PTGDS: variants seen among roughly 807,000 people sequenced by gnomAD.
PTGDS encodes prostaglandin-H2 D-isomerase.
In PTGDS, 21 loss-of-function variants were observed where a neutral mutation model predicts 28.4. That is an observed-to-expected ratio of 0.74 (90% confidence interval 0.52 to 1.07). PTGDS has a LOEUF of 1.07. Ranked by LOEUF, PTGDS falls within the 50% of genes least tolerant of loss-of-function variation. PTGDS has a pLI of 0.00. For missense variants in PTGDS, 243 were observed against 247.7 expected, an observed-to-expected ratio of 0.98 and a Z score of 0.13; for synonymous variants, 102 against 106.0, an observed-to-expected ratio of 0.96 and a Z score of 0.23.
At position 136,980,255 on chromosome 9, in the gene PTGDS, A is replaced by T; in HGVS notation, c.521A>T (p.Glu174Val). ...TTCTGCAAGGCCCAGGGCTTCACAG[A>T]GGATACCATTGTCTTCCTGCCCCAA... The part of the protein sequence containing the change: ...TAFCKAQGFT[E>V]DTIVFLPQTD... Residue 174 changes from glutamate (E) to valine (V), a missense_variant, in exon 5 of 7, where the codon GAG (glutamate) becomes GTG (valine). Glu to Val is a moderately radical substitution (Grantham distance 121, BLOSUM62 -2). Coordinates refer to ENST00000371625, the MANE Select transcript of PTGDS (RefSeq NM_000954.6). The T allele has an allele frequency of 7.4e-6, 12 of 1,614,070 alleles. No individual in the cohort carries two copies. The highest frequency in any genetic ancestry group is 1.0e-5 in the Non-Finnish European group (12 of 1,179,980).
intron 1 of PTGDS, among the ~76,000 whole-genome samples, chr9:136,977,970 C>T (rs1201650405): frequency 3.9e-5 from 6 of 152,212 alleles, no homozygotes; most frequent in Non-Finnish European, 8.8e-5. Context: ...CACGTCCACC[C>T]CTGTGGGCAC....
intron 1 of PTGDS, chr9:136,978,677 G>A (rs1830409169): frequency 6.0e-6 from 2 of 332,844 alleles, no homozygotes; most frequent in Non-Finnish European, 1.1e-5. Context: ...TCTTGGGGCG[G>A]GGTCGTGAGG....
At chr9:136,978,101 C>G (rs1406539969) in intron 1 of PTGDS, among the ~76,000 whole-genome samples, 1 of 152,156 alleles carries the variant, frequency 6.6e-6, no homozygotes, top group East Asian at 1.9e-4. Flanking sequence ...GGACGCGCAC[C>G]GCACAGACAG....
rs1348179556 is a variant in PTGDS, at chr9:136,978,988, C to T, written c.115-5C>T. 1 of 1,605,850 alleles carries T rather than the reference C, an allele frequency of 6.2e-7. No individual in the cohort carries two copies. The highest frequency in any genetic ancestry group is 8.5e-7 in the Non-Finnish European group (1 of 1,178,326). ...GCCGACGCGGGTGGGGGTCGCTCGC[C>T]GCAGTTCCTGGGGCGCTGGTTCAGC... is the stretch of plus-strand genomic sequence containing the variant. On this transcript the variant is annotated splice_region_variant and splice_polypyrimidine_tract_variant and intron_variant, in intron 1 of 6. Coordinates refer to ENST00000371625, the MANE Select transcript of PTGDS (RefSeq NM_000954.6).
Position 136,977,526 on chromosome 9 carries a change from G to C in PTGDS, c.-53G>C. On this transcript the variant is annotated 5_prime_UTR_variant, in exon 1 of 7. Coordinates refer to ENST00000371625, the MANE Select transcript of PTGDS (RefSeq NM_000954.6). ...TCCGCTCCTCCTGCACACCTCCCTC[G>C]CTCTCCCACACCACTGGCACCAGGC... The C allele has an allele frequency of 7.3e-7, 1 of 1,364,206 alleles. No individual in the cohort carries two copies. The highest frequency in any genetic ancestry group is 1.0e-6 in the Non-Finnish European group (1 of 990,560). The allele number at this position is 1,364,206 out of a possible 1,614,324, so 84.5% of individuals were successfully genotyped here.
At chr9:136,978,280 G>A (rs1043954161) in intron 1 of PTGDS, among the ~76,000 whole-genome samples, 3 of 152,170 alleles carry the variant, frequency 2.0e-5, no homozygotes, top group Non-Finnish European at 4.4e-5. Flanking sequence ...GCCGCCCGCT[G>A]TATGGGCCAG....
chr9:136,979,242 C>G lies in PTGDS; in HGVS notation c.274C>G (p.Arg92Gly), dbSNP rs748389805. The G allele has an allele frequency of 1.2e-6, 2 of 1,612,948 alleles. No individual in the cohort carries two copies. Among genetic ancestry groups the G allele is most frequent in the Non-Finnish European group, 1.7e-6 (2 of 1,179,826 alleles). ...CTACAGGAAAAACCAGTGTGAGACCCGAACCATGCTGCTGCAGCCCGCGGG... is the reference window on the plus strand; with the variant it reads ...CTACAGGAAAAACCAGTGTGAGACCGGAACCATGCTGCTGCAGCCCGCGGG... The part of the protein sequence containing the change: ...TFLRKNQCET[R>G]TMLLQPAGSL... Residue 92 changes from arginine (R) to glycine (G), a missense_variant, in exon 3 of 7, where the codon CGA becomes GGA. By Grantham distance (125) the Arg-to-Gly change is moderately radical (BLOSUM62 -2). Transcript: ENST00000371625.
intron 3 of PTGDS, chr9:136,979,690 T>A (rs1830424868): frequency 1.7e-6 from 1 of 605,698 alleles, no homozygotes; most frequent in Non-Finnish European, 2.9e-6. Context: ...CTTCCGGTTC[T>A]GGCAGCGACT....
In PTGDS at chr9:136,979,030, A is replaced by G. The variant is rs754669790; in HGVS notation, c.152A>G (p.Asn51Ser). The G allele has an allele frequency of 1.2e-6, 2 of 1,608,724 alleles. No homozygotes were observed. Among genetic ancestry groups the G allele is most frequent in the Admixed American group, 1.7e-5 (1 of 59,632 alleles). The change falls in exon 2 of 7, where the codon AAC (asparagine) becomes AGC (serine). Residue 51 changes from asparagine (N) to serine (S), a missense_variant. By Grantham distance (46) the Asn-to-Ser change is conservative. Coordinates refer to ENST00000371625, the MANE Select transcript of PTGDS (RefSeq NM_000954.6). Reference protein sequence around the residue: ...GRWFSAGLASNSSWLREKKAA... With the variant: ...GRWFSAGLASSSSWLREKKAA... The stretch of plus-strand genomic sequence containing the variant: ...TGGTTCAGCGCGGGCCTCGCCTCCA[A>G]CTCGAGCTGGCTCCGGGAGAAGAAG...
rs34418873 is a variant in PTGDS at position 136,980,863 on chromosome 9, A to T, written c.*8A>T. 159 of 1,325,140 alleles carry T rather than the reference A, an allele frequency of 1.2e-4. No individual in the cohort carries two copies. In the African/African-American group the frequency reaches 2.7e-3, roughly 23 times the overall value. 82.1% of individuals were successfully genotyped at this position (1,325,140 alleles called of 1,614,324 possible). The stretch of plus-strand genomic sequence containing the variant: ...TGCATGACGGAACAATAGGTGAGCC[A>T]CTCCATTCATTCATTCATTCATTCA... On this transcript the variant is annotated splice_region_variant and intron_variant, in intron 6 of 6. Transcript: ENST00000371625.
intron 5 of PTGDS, 60 bp downstream of exon 5, chr9:136,980,344 T>C: frequency 2.6e-6 from 4 of 1,553,884 alleles, no homozygotes; most frequent in Non-Finnish European, 3.5e-6. Context: ...AGGCAGGCAG[T>C]CTCCTGACTG....
At chr9:136,978,465 G>A (rs1416880694) in intron 1 of PTGDS, among the ~76,000 whole-genome samples, 1 of 136,066 alleles carries the variant, frequency 7.3e-6, no homozygotes, top group African/African-American at 2.8e-5. Flanking sequence ...GGCCATCTCC[G>A]GGGGAGGGGG....
At chr9:136,980,421 G>C in intron 5 of PTGDS, 137 bp downstream of exon 5, 1 of 1,031,392 alleles carries the variant, frequency 9.7e-7, no homozygotes. Flanking sequence ...GAGGGGGTGA[G>C]TGTTCAAGTC....
At chr9:136,980,764 G>T in intron 5 of PTGDS, 69 bp from the exon 6 acceptor site, 1 of 1,613,952 alleles carries the variant, frequency 6.2e-7, no homozygotes, top group Non-Finnish European at 8.5e-7. Context: ...GGGAGGAACA[G>T]GAAGCCCAGT....
intron 1 of PTGDS, 127 bp from the exon 2 acceptor site, chr9:136,978,866 G>C: frequency 7.2e-7 from 1 of 1,391,458 alleles, no homozygotes; most frequent in East Asian, 2.5e-5. Flanking sequence ...TGGCTGCTCG[G>C]GGGATTGGGC....
chr9:136,979,000 G>A lies in PTGDS; in HGVS notation c.122G>A (p.Gly41Glu). The change falls in exon 2 of 7, where the codon GGG becomes GAG. Residue 41 changes from glycine (G) to glutamate (E), a missense_variant. Physicochemically the swap from Gly to Glu is moderately conservative, Grantham distance 98. Coordinates refer to ENST00000371625, the MANE Select transcript of PTGDS (RefSeq NM_000954.6). ...QPNFQQDKFL[G>E]RWFSAGLASN... ...GGGGGTCGCTCGCCGCAGTTCCTGG[G>A]GCGCTGGTTCAGCGCGGGCCTCGCC... is the stretch of plus-strand genomic sequence containing the variant. 1 of 1,608,092 alleles carries A rather than the reference G, an allele frequency of 6.2e-7. No individual in the cohort carries two copies. The highest frequency in any genetic ancestry group is 8.5e-7 in the Non-Finnish European group (1 of 1,178,464).
chr9:136,980,199 C>CA lies in PTGDS; in HGVS notation c.466dup (p.Arg156LysfsTer3). 1 of 1,613,952 alleles carries CA rather than the reference C, an allele frequency of 6.2e-7. No individual in the cohort carries two copies. Among genetic ancestry groups the CA allele is most frequent in the Non-Finnish European group, 8.5e-7 (1 of 1,179,978 alleles). On this transcript the variant is annotated frameshift_variant, in exon 5 of 7. Coordinates refer to ENST00000371625, the MANE Select transcript of PTGDS (RefSeq NM_000954.6). LOFTEE classifies it high-confidence loss of function. ...CTGTCCCAGGCCGAACCCAGACCCC[C>CA]AGGGCTGAGTTAAAGGAGAAATTCA...
In PTGDS at chr9:136,977,692, G is replaced by C; in HGVS notation, c.114G>C (p.Lys38Asn). 1.3e-6 allele frequency: 2 copies of C among 1,590,964 alleles called. No individual in the cohort carries two copies. The highest frequency in any genetic ancestry group is 1.7e-6 in the Non-Finnish European group (2 of 1,170,670). Residue 38 changes from lysine (K) to asparagine (N), a missense_variant and splice_region_variant, in exon 1 of 7, where the codon AAG becomes AAC. Lys to Asn is a moderately conservative substitution (Grantham distance 94). Coordinates refer to ENST00000371625, the MANE Select transcript of PTGDS (RefSeq NM_000954.6). ...VSVQPNFQQD[K>N]FLGRWFSAGL... ...TGCAGCCCAACTTCCAGCAGGACAA[G>C]GTGAGGGGCTTTCCTGCGTCATCCC...
In PTGDS at chr9:136,981,581, C is replaced by T. The variant is rs1378088517; in HGVS notation, c.*3C>T. On this transcript the variant is annotated splice_region_variant and 3_prime_UTR_variant, in exon 7 of 7. Coordinates refer to ENST00000371625, the MANE Select transcript of PTGDS (RefSeq NM_000954.6). ...AGCCTTTCGGTCACACCCCTCAGGA[C>T]TCCCCAGGGCTGAAGCTGGGATCCC... 2 of 152,344 alleles carry T rather than the reference C, an allele frequency of 1.3e-5. No homozygotes were observed. The highest frequency in any genetic ancestry group is 2.9e-5 in the Non-Finnish European group (2 of 68,172). The allele number at this position is 152,344 out of a possible 1,614,324, so 9.4% of individuals were successfully genotyped here.
Sources: gnomAD v4.1 joint callset for allele counts (sites outside exome capture counted in the v4.1 genomes callset) on GRCh38, gnomAD v4.1.1 for gene constraint, MANE v1.5 for transcripts, NCBI Gene and HGNC (gene_info 2026-07-23, HGNC 2026-07-21) for gene names.